The following CEP131 variants were observed in gnomAD, a reference collection of about 807,000 sequenced individuals.
The protein encoded by CEP131 is centrosomal protein 131, also known as centrosomal protein of 131 kDa.
CEP131 carries 99 observed loss-of-function variants against 136.8 expected under a neutral mutation model. That is an observed-to-expected ratio of 0.72 (90% CI 0.62 to 0.86). CEP131 has a LOEUF of 0.86. Ranked by LOEUF, CEP131 falls within the 40% of genes least tolerant of loss-of-function variation. The probability of loss-of-function intolerance (pLI) is 0.00; values close to 1 mark genes in which losing one functional copy is unlikely to be tolerated. For synonymous variants in CEP131, 646 were observed against 612.7 expected (o/e 1.05, Z -0.80); for missense variants, 1,459 against 1,463.0 (o/e 1.00, Z 0.04).
chr17:81,190,063 G>A (rs943401131), intron 24 of CEP131, 88 bp from the exon 25 acceptor site: 10 of 1,163,332 alleles, frequency 8.6e-6, no homozygotes, highest in Admixed American at 8.2e-5. Flanking sequence ...CGGGGCAGCC[G>A]CCTGGTCAGC....
chr17:81,199,012 C>T (rs769487322), intron 10 of CEP131, 41 bp from the exon 11 acceptor site: 47 of 1,465,454 alleles, frequency 3.2e-5, no homozygotes, highest in African/African-American at 1.3e-4. Flanking sequence ...GGGAGCATCC[C>T]GGGGCGGGCA....
Position 81,219,777 on chromosome 17 carries a change from G to T in CEP131, c.177+103C>A. ...ACGAGGATCCAGCATGTCCAGATGT[G>T]AGGCACTTGTTCACCTGTGGAGCTG... On this transcript the variant is annotated intron_variant, in intron 2 of 25. Coordinates refer to ENST00000450824, the MANE Select transcript of CEP131 (RefSeq NM_014984.4). The surrounding 1 kb of genome is among the most constrained non-coding windows in gnomAD (Gnocchi z 4.0). The T allele has an allele frequency of 2.4e-6, 3 of 1,257,294 alleles. No homozygotes were observed. The highest frequency in any genetic ancestry group is 3.2e-6 in the Non-Finnish European group (3 of 931,916). 77.9% of individuals were successfully genotyped at this position (1,257,294 alleles called of 1,614,324 possible).
Position 81,195,953 on chromosome 17 carries a change from T to A in CEP131, c.1900-2A>T, listed in dbSNP as rs1426378668. 4 of 1,607,484 alleles carry A rather than the reference T, an allele frequency of 2.5e-6. No homozygotes were observed. The highest frequency in any genetic ancestry group is 3.4e-6 in the Non-Finnish European group (4 of 1,178,928). On this transcript the variant is annotated splice_acceptor_variant, in intron 15 of 25. Transcript: ENST00000450824. LOFTEE classifies it high-confidence loss of function. ...CAGGACCTTCTTGTCCTCAATCAGCTGTGTTGGGGACCGGAGGTGAGGTGC... is the reference window on the plus strand; with the variant it reads ...CAGGACCTTCTTGTCCTCAATCAGCAGTGTTGGGGACCGGAGGTGAGGTGC...
At position 81,193,051 on chromosome 17, in the gene CEP131, C is replaced by G. The variant is rs567330753; in HGVS notation, c.2322-208G>C. ...ACGAGGAACTTGCCCATCAGCCAAGCGCAGCAATTCCCTGAGCTCCAGGCC... is the reference window on the plus strand; with the variant it reads ...ACGAGGAACTTGCCCATCAGCCAAGGGCAGCAATTCCCTGAGCTCCAGGCC... On this transcript the variant is annotated intron_variant, in intron 18 of 25. Transcript: ENST00000450824. Among the ~76,000 whole-genome samples, 23 of 152,370 alleles carry G rather than the reference C, an allele frequency of 1.5e-4. No individual in the cohort carries two copies. The East Asian group carries it at 4.2e-3, about 28-fold the overall frequency.
chr17:81,195,049 G>A (rs144100268), intron 16 of CEP131, 77 bp from the exon 17 acceptor site: 430 of 1,141,342 alleles, frequency 3.8e-4, no homozygotes, highest in Middle Eastern at 1.8e-3. Context: ...GCACAGTCAG[G>A]GCCGGGCTTC....
intron 3 of CEP131, 39 bp from the exon 4 acceptor site, chr17:81,207,278 C>G (rs770500281): frequency 7.0e-5 from 111 of 1,596,316 alleles, no homozygotes; most frequent in Non-Finnish European, 9.2e-5. Context: ...GAAAGAGTCA[C>G]CAGCCGGGAA....
Position 81,195,840 on chromosome 17 carries a change from C to G in CEP131, c.2011G>C (p.Glu671Gln). Residue 671 changes from glutamate (E) to glutamine (Q), a missense_variant, in exon 16 of 26, where the codon GAG (glutamate) becomes CAG (glutamine). Physicochemically the swap from Glu to Gln is conservative, Grantham distance 29 (BLOSUM62 2). Transcript: ENST00000450824. Reference sequence around the variant, plus strand: ...AGTAGGGAGCAAAGCCTCACCAGCTCGTGCTGCGCCTGTGCCTGGGCCACA... The same window carrying G: ...AGTAGGGAGCAAAGCCTCACCAGCTGGTGCTGCGCCTGTGCCTGGGCCACA... ...ERVAQAQAQH[E>Q]LEIKKLKELM... 1 of 1,603,408 alleles carries G rather than the reference C, an allele frequency of 6.2e-7. No individual in the cohort carries two copies. Among genetic ancestry groups the G allele is most frequent in the Non-Finnish European group, 8.5e-7 (1 of 1,179,666 alleles).
intron 18 of CEP131, 39 bp downstream of exon 18, chr17:81,193,887 T>A: frequency 6.6e-7 from 1 of 1,525,970 alleles, no homozygotes; most frequent in Non-Finnish European, 8.8e-7. Context: ...CTCCCCGCCC[T>A]GAGGGTCCTG....
intron 15 of CEP131, 52 bp from the exon 16 acceptor site, chr17:81,196,003 G>A: frequency 2.0e-6 from 3 of 1,474,130 alleles, no homozygotes; most frequent in Non-Finnish European, 2.8e-6. Flanking sequence ...AGCCCAGCAG[G>A]ACCCCTGATG....
At chr17:81,195,987 G>C in intron 15 of CEP131, 36 bp from the exon 16 acceptor site, 1 of 1,564,424 alleles carries the variant, frequency 6.4e-7, no homozygotes, top group Middle Eastern at 1.7e-4. Context: ...GCTACACCAA[G>C]GCCCCAGCCC....
rs1414089810 is a variant in CEP131, at chr17:81,207,381, TCTGACCACTGTGC to T, written c.273-155_273-143del. On this transcript the variant is annotated intron_variant, in intron 3 of 25. Transcript: ENST00000450824. ...TCTGTTTCTAGGCCCAAAGCCCCCATCTGACCACTGTGCCTGGCCAGGGTTCCTCAGTGGAGCT... is the reference window on the plus strand; with the variant it reads ...TCTGTTTCTAGGCCCAAAGCCCCCATCTGGCCAGGGTTCCTCAGTGGAGCT... The T allele has an allele frequency of 6.9e-6, 5 of 720,052 alleles. No homozygotes were observed. In the African/African-American group the frequency reaches 9.2e-5, roughly 13 times the overall value. 44.6% of individuals were successfully genotyped at this position (720,052 alleles called of 1,614,324 possible). A position where few individuals can be genotyped will look rare whatever the true frequency, so the allele number is the denominator to read the frequency against.
chr17:81,191,407 G>T (rs1342610978), intron 21 of CEP131, 72 bp from the exon 22 acceptor site: 2 of 1,458,596 alleles, frequency 1.4e-6, no homozygotes. Flanking sequence ...GCCTCAGGGG[G>T]TCCTGGGGGG....
Position 81,208,975 on chromosome 17 carries a change from T to C in CEP131, c.225A>G (p.Arg75=). 6.2e-7 allele frequency: 1 copy of C among 1,613,884 alleles called. No homozygotes were observed. The highest frequency in any genetic ancestry group is 1.1e-5 in the South Asian group (1 of 91,062). Residue 75 remains arginine (R), a synonymous_variant, in exon 3 of 26, where the codon AGA becomes AGG. Transcript: ENST00000450824. The surrounding 1 kb of genome is among the most constrained non-coding windows in gnomAD (Gnocchi z 5.6). ...GGCTGACCTGCGTGGTGCTGTTGGA[T>C]CTTCTAAGGTTGTTGATGGCCTGGG... The part of the protein sequence containing the change: ...GGSQAINNLR[R]SNSTTQVSQP...
rs1598330003 is a variant in CEP131 at position 81,219,266 on chromosome 17, C to A, written c.177+614G>T. On this transcript the variant is annotated intron_variant, in intron 2 of 25. Transcript: ENST00000450824. The surrounding 1 kb of genome is among the most constrained non-coding windows in gnomAD (Gnocchi z 4.0). ...CTCCAAGGCCACCAGGAGCTCATCA[C>A]CCCTCCCCACAGGTCAACCCCATTT... is the stretch of plus-strand genomic sequence containing the variant. Among the ~76,000 whole-genome samples, 1 of 1,426 alleles carries A rather than the reference C, an allele frequency of 7.0e-4. No homozygotes were observed. The highest frequency in any genetic ancestry group is 0.012 in the East Asian group (1 of 82). 0.9% of individuals were successfully genotyped at this position (1,426 alleles called of 152,430 possible).
chr17:81,196,167 G>T (rs1234890490), intron 15 of CEP131, among the ~76,000 whole-genome samples: 1 of 152,204 alleles, frequency 6.6e-6, no homozygotes, highest in African/African-American at 2.4e-5. Flanking sequence ...TCAGCTGGGG[G>T]ACCCGGCGAA....
Position 81,203,769 on chromosome 17 carries a change from C to T in CEP131, c.516-162G>A, listed in dbSNP as rs2061946470. On this transcript the variant is annotated intron_variant, in intron 5 of 25. Coordinates refer to ENST00000450824, the MANE Select transcript of CEP131 (RefSeq NM_014984.4). This position sits in a 1 kb window ranked among gnomAD's most constrained non-coding sequence, Gnocchi z 4.6. ...CAGTGTCCCCAGGCCCCTTCCACAG[C>T]CTGCGCCCTGATGATGGGGTTCTTC... 1.7e-6 allele frequency: 1 copy of T among 601,682 alleles called. No individual in the cohort carries two copies. 37.3% of individuals were successfully genotyped at this position (601,682 alleles called of 1,614,324 possible). A position where few individuals can be genotyped will look rare whatever the true frequency, so the allele number is the denominator to read the frequency against.
At position 81,220,228 on chromosome 17, in the gene CEP131, G is replaced by A. The variant is rs551741621; in HGVS notation, c.-17-155C>T. Among the ~76,000 whole-genome samples, 154 of 152,342 alleles carry A rather than the reference G, an allele frequency of 1.0e-3. 2 individuals carry two copies. In the South Asian group the frequency reaches 0.03, roughly 30 times the overall value. ...TATGCACCCCTCTGGCTGGTGGCAG[G>A]CTCCTCGACAGGAACATGAGGGAGC... On this transcript the variant is annotated intron_variant, in intron 1 of 25. Coordinates refer to ENST00000450824, the MANE Select transcript of CEP131 (RefSeq NM_014984.4).
intron 1 of CEP131, among the ~76,000 whole-genome samples, chr17:81,220,336 G>T (rs1323523957): frequency 1.3e-5 from 2 of 152,176 alleles, no homozygotes; most frequent in African/African-American, 4.8e-5. Flanking sequence ...AAGGCCCGTG[G>T]GTGGGAATAA....
intron 8 of CEP131, 41 bp downstream of exon 8, chr17:81,200,288 C>T: frequency 6.7e-7 from 1 of 1,495,614 alleles, no homozygotes; most frequent in Non-Finnish European, 9.2e-7. Context: ...TGGGCCAGAC[C>T]CCCCGGGGGA....
Sources: allele counts gnomAD v4.1 joint callset (sites outside exome capture counted in the v4.1 genomes callset), GRCh38; gene constraint gnomAD v4.1.1; non-coding constraint Gnocchi (gnomAD v3.1); transcripts MANE v1.5; gene names NCBI Gene and HGNC (gene_info 2026-07-23, HGNC 2026-07-21).